The following VAV2 variants were observed in gnomAD, a reference collection of about 807,000 sequenced individuals.
The protein encoded by VAV2 is vav guanine nucleotide exchange factor 2, also known as guanine nucleotide exchange factor VAV2.
In VAV2, 67 loss-of-function variants were observed where a neutral mutation model predicts 132.5. The ratio of observed to expected loss-of-function variants is 0.51; its 90% CI spans 0.42 to 0.62. VAV2 has a LOEUF of 0.62. Ranked by LOEUF, VAV2 falls within the 20% of genes least tolerant of loss-of-function variation. VAV2 has a pLI of 0.00. For synonymous variants in VAV2, 492 were observed against 443.5 expected (o/e 1.11, Z -1.37); for missense variants, 938 against 1,153.6 (o/e 0.81, Z 2.71).
In VAV2 at chr9:133,789,345, T is replaced by C; in HGVS notation, c.1189-2A>G. 6.2e-7 allele frequency: 1 copy of C among 1,613,186 alleles called. No individual in the cohort carries two copies. Among genetic ancestry groups the C allele is most frequent in the Non-Finnish European group, 8.5e-7 (1 of 1,179,960 alleles). ...TCCAAATTCCTCCAGTTTCACTTGC[T>C]GGGAAGAAGGAGAGGGGCCGTCAGC... is the stretch of plus-strand genomic sequence containing the variant. On this transcript the variant is annotated splice_acceptor_variant, in intron 13 of 29. Transcript: ENST00000371850. LOFTEE classifies it high-confidence loss of function.
chr9:133,804,691 C>T lies in VAV2; in HGVS notation c.836+1390G>A, dbSNP rs143289669. On this transcript the variant is annotated intron_variant, in intron 9 of 29. Coordinates refer to ENST00000371850, the MANE Select transcript of VAV2 (RefSeq NM_001134398.2). The surrounding 1 kb of genome is among the most constrained non-coding windows in gnomAD (Gnocchi z 4.5). ...CGCTGAAAAGGACCACTGTACCCCA[C>T]ACCTGCTGAGGACTGGGGCGACAGC... Among the ~76,000 whole-genome samples the T allele has an allele frequency of 3.3e-3, 501 of 152,348 alleles. 1 individual carries two copies. Among genetic ancestry groups the T allele is most frequent in the Non-Finnish European group, 5.1e-3 (347 of 68,018 alleles).
intron 2 of VAV2, among the ~76,000 whole-genome samples, chr9:133,872,427 C>T (rs570261132): frequency 7.1e-4 from 108 of 152,320 alleles, no homozygotes; most frequent in South Asian, 1.7e-3. Flanking sequence ...GTCCTCACTC[C>T]GCGCACCGTC....
At chr9:133,822,181 A>G (rs1353032034) in intron 4 of VAV2, among the ~76,000 whole-genome samples, 2 of 152,158 alleles carry the variant, frequency 1.3e-5, no homozygotes, top group African/African-American at 4.8e-5. Context: ...GAAAACCAAC[A>G]AACTCTGCTT....
chr9:133,975,876 A>T (rs1038757655), intron 1 of VAV2, among the ~76,000 whole-genome samples: 1 of 152,080 alleles, frequency 6.6e-6, no homozygotes, highest in Non-Finnish European at 1.5e-5. Context: ...ACCCTCCCAC[A>T]CTTCTTCTCT....
intron 1 of VAV2, among the ~76,000 whole-genome samples, chr9:133,970,992 A>C (rs1842313227): frequency 6.6e-6 from 1 of 152,202 alleles, no homozygotes; most frequent in Non-Finnish European, 1.5e-5. Context: ...TGAAAATTCT[A>C]TCTTTTCCTT....
At chr9:133,880,124 T>A (rs1224047468) in intron 2 of VAV2, among the ~76,000 whole-genome samples, 1 of 151,748 alleles carries the variant, frequency 6.6e-6, no homozygotes, top group African/African-American at 2.4e-5. Flanking sequence ...TGGACCCACC[T>A]GCGCCGTCTG....
At chr9:133,987,568 G>A (rs1842895781) in intron 1 of VAV2, among the ~76,000 whole-genome samples, 2 of 152,270 alleles carry the variant, frequency 1.3e-5, no homozygotes, top group African/African-American at 4.8e-5. Flanking sequence ...AGGTGGAGGT[G>A]GGGGACAGAC....
At chr9:133,896,311 G>A (rs148378582) in intron 2 of VAV2, among the ~76,000 whole-genome samples, 66 of 152,242 alleles carry the variant, frequency 4.3e-4, no homozygotes, top group African/African-American at 1.4e-3. Context: ...AAAATTAGAT[G>A]GGCATGGTGG....
chr9:133,774,875 C>A, intron 25 of VAV2, 60 bp downstream of exon 25: 1 of 1,464,088 alleles, frequency 6.8e-7, no homozygotes, highest in South Asian at 1.2e-5. Flanking sequence ...GAGGATGGTG[C>A]TCTCCACTTC....
intron 17 of VAV2, among the ~76,000 whole-genome samples, chr9:133,784,708 T>C (rs1834148763): frequency 6.6e-6 from 1 of 152,016 alleles, no homozygotes; most frequent in Non-Finnish European, 1.5e-5. Flanking sequence ...TGTGGGCAGG[T>C]GTGGGTATTT....
chr9:133,907,050 G>T (rs902996267), intron 2 of VAV2, among the ~76,000 whole-genome samples: 1 of 152,174 alleles, frequency 6.6e-6, no homozygotes, highest in Admixed American at 6.5e-5. Flanking sequence ...CCGGCGGCGG[G>T]GGGAGGGACA....
rs3780768 is a variant in VAV2 at position 133,942,505 on chromosome 9, C to T, written c.205-3286G>A. Among the ~76,000 whole-genome samples, 10 of 152,402 alleles carry T rather than the reference C, an allele frequency of 6.6e-5. No homozygotes were observed. In the East Asian group the frequency reaches 1.5e-3, roughly 23 times the overall value. On this transcript the variant is annotated intron_variant, in intron 1 of 29. Transcript: ENST00000371850. ...CAGGCCTGAGCCGGGGCAGGGGCTA[C>T]GCCCTCTCGCTCATCTGCGCGGCTG...
intron 3 of VAV2, among the ~76,000 whole-genome samples, chr9:133,861,002 G>A (rs1420887419): frequency 6.6e-6 from 1 of 152,192 alleles, no homozygotes; most frequent in Non-Finnish European, 1.5e-5. Flanking sequence ...CCATGCTCCG[G>A]CGCCATCCCT....
chr9:133,798,245 C>T (rs1477029815), intron 9 of VAV2, among the ~76,000 whole-genome samples: 2 of 152,228 alleles, frequency 1.3e-5, no homozygotes, highest in South Asian at 4.1e-4. Context: ...TCAGGGCTCA[C>T]CCTCATGCTG....
intron 1 of VAV2, among the ~76,000 whole-genome samples, chr9:133,972,916 A>AG (rs1842387305): frequency 6.6e-6 from 1 of 152,150 alleles, no homozygotes; most frequent in Non-Finnish European, 1.5e-5. Flanking sequence ...TCCCATGATG[A>AG]GGGGTGTCTC....
intron 2 of VAV2, among the ~76,000 whole-genome samples, chr9:133,925,651 A>G (rs546507815): frequency 4.3e-4 from 66 of 152,272 alleles, no homozygotes; most frequent in Non-Finnish European, 6.5e-4. Flanking sequence ...TGGGAAGCCC[A>G]GCAAGTTCAC....
At chr9:133,909,723 G>A (rs530027530) in intron 2 of VAV2, among the ~76,000 whole-genome samples, 5 of 152,162 alleles carry the variant, frequency 3.3e-5, no homozygotes, top group Non-Finnish European at 5.9e-5. Context: ...GTGTGAGGCC[G>A]GAAGAAACAC....
chr9:133,876,865 GGA>G (rs1314706860), intron 2 of VAV2, among the ~76,000 whole-genome samples: 1 of 152,164 alleles, frequency 6.6e-6, no homozygotes, highest in Non-Finnish European at 1.5e-5. Flanking sequence ...CTTTCTGCCA[GGA>G]GACACAGAAA....
Position 133,797,722 on chromosome 9 carries a change from C to T in VAV2, c.924G>A (p.Arg308=). 4 of 1,613,966 alleles carry T rather than the reference C, an allele frequency of 2.5e-6. No individual in the cohort carries two copies. The highest frequency in any genetic ancestry group is 3.4e-6 in the Non-Finnish European group (4 of 1,179,940). ...NQLLASREDF[R]QKVEECTLKV... is the part of the protein sequence containing the mutation. ...TGGCAGGACTTACCTCGACTTTCTGCCTGAAGTCCTCCCGGCTGGCCAGGA... is the reference window on the plus strand; with the variant it reads ...TGGCAGGACTTACCTCGACTTTCTGTCTGAAGTCCTCCCGGCTGGCCAGGA... Residue 308 remains arginine (R), a synonymous_variant, in exon 10 of 30, where the codon AGG becomes AGA. Coordinates refer to ENST00000371850, the MANE Select transcript of VAV2 (RefSeq NM_001134398.2).
Sources: allele counts gnomAD v4.1 joint callset (sites outside exome capture counted in the v4.1 genomes callset), GRCh38; gene constraint gnomAD v4.1.1; non-coding constraint Gnocchi (gnomAD v3.1); transcripts MANE v1.5; gene names NCBI Gene and HGNC (gene_info 2026-07-23, HGNC 2026-07-21).